MFHAS1: variants seen among roughly 807,000 people sequenced by gnomAD.
MFHAS1 encodes the protein multifunctional ROCO family signaling regulator 1.
Under a neutral mutation model 70.4 loss-of-function variants are expected in MFHAS1, and 50 were observed. The observed-to-expected ratio is 0.71, with a 90% CI of 0.57 to 0.90. MFHAS1 has a LOEUF of 0.90. MFHAS1 is among the 40% of genes least tolerant of loss of function. The pLI is 0.00. For synonymous variants in MFHAS1, 952 were observed against 620.0 expected (o/e 1.54, Z -7.96); for missense variants, 1,795 against 1,347.6 (o/e 1.33, Z -5.20).
intron 1 of MFHAS1, among the ~76,000 whole-genome samples, chr8:8,810,879 G>A (rs928417468): frequency 1.3e-5 from 2 of 152,120 alleles, no homozygotes; most frequent in African/African-American, 4.8e-5. Context: ...AGGAAGGGGA[G>A]GAAGGAGAAG....
At chr8:8,794,730 C>CTT (rs149620016) in intron 2 of MFHAS1, among the ~76,000 whole-genome samples, 2 of 151,322 alleles carry the variant, frequency 1.3e-5, no homozygotes, top group African/African-American at 4.9e-5. Flanking sequence ...TTTCATGAGA[C>CTT]TTTTTTTTTA....
chr8:8,806,274 T>C (rs540342756), intron 1 of MFHAS1, among the ~76,000 whole-genome samples: 4 of 152,248 alleles, frequency 2.6e-5, no homozygotes, highest in South Asian at 2.1e-4. Flanking sequence ...ATTACAACAC[T>C]GGGATGAGAG....
At chr8:8,867,468 TTTA>T (rs931804378) in intron 1 of MFHAS1, among the ~76,000 whole-genome samples, 1 of 152,124 alleles carries the variant, frequency 6.6e-6, no homozygotes, top group African/African-American at 2.4e-5. Context: ...TTTCTACTCT[TTTA>T]TTATTAATCC....
chr8:8,832,522 C>G lies in MFHAS1; in HGVS notation c.2999-35031G>C, dbSNP rs141624325. 2.2e-3 allele frequency among the ~76,000 whole-genome samples: 338 copies of G among 151,794 alleles called. 1 individual carries two copies. The highest frequency in any genetic ancestry group is 4.0e-3 in the Non-Finnish European group (269 of 67,984). Reference sequence around the variant, plus strand: ...CATCATTAGCTATCAGAAACACAAACAGAAACCTTACGAAGATACACAACA... The same window carrying G: ...CATCATTAGCTATCAGAAACACAAAGAGAAACCTTACGAAGATACACAACA... On this transcript the variant is annotated intron_variant, in intron 1 of 2. Coordinates refer to ENST00000276282, the MANE Select transcript of MFHAS1 (RefSeq NM_004225.3).
chr8:8,786,391 C>T (rs1805543138), intron 2 of MFHAS1, among the ~76,000 whole-genome samples: 1 of 152,178 alleles, frequency 6.6e-6, no homozygotes, highest in Admixed American at 6.5e-5. Flanking sequence ...ACTCTAAACA[C>T]GGAACTGTTT....
In MFHAS1 at chr8:8,890,890, C is replaced by T. The variant is rs750611962; in HGVS notation, c.2169G>A (p.Lys723=). 24 of 1,613,984 alleles carry T rather than the reference C, an allele frequency of 1.5e-5. No individual in the cohort carries two copies. The highest frequency in any genetic ancestry group is 1.1e-4 in the African/African-American group (8 of 74,948). Reference sequence around the variant, plus strand: ...GGGTGAGGTTGTGGAAGACGTGCTCCTTGAGAGCCGGACTGTCCTCAAAGT... The same window carrying T: ...GGGTGAGGTTGTGGAAGACGTGCTCTTTGAGAGCCGGACTGTCCTCAAAGT... ...LLYFEDSPAL[K]EHVFHNLTRL... Residue 723 remains lysine, a synonymous_variant, in exon 1 of 3, where the codon AAG becomes AAA. Coordinates refer to ENST00000276282, the MANE Select transcript of MFHAS1 (RefSeq NM_004225.3).
chr8:8,891,687 T>A lies in MFHAS1; in HGVS notation c.1372A>T (p.Ile458Phe). 1 of 1,613,554 alleles carries A rather than the reference T, an allele frequency of 6.2e-7. No individual in the cohort carries two copies. Among genetic ancestry groups the A allele is most frequent in the Non-Finnish European group, 8.5e-7 (1 of 1,180,012 alleles). ...TCGGCCGTCCAGCTGGTCACCTCGATGCCCTTGCTCACAGGGGGAGGTGAC... is the reference window on the plus strand; with the variant it reads ...TCGGCCGTCCAGCTGGTCACCTCGAAGCCCTTGCTCACAGGGGGAGGTGAC... Reference protein sequence around the residue: ...PPSPPPVSKGIEVTSWTADAS... With the variant: ...PPSPPPVSKGFEVTSWTADAS... Residue 458 changes from isoleucine (I) to phenylalanine (F), a missense_variant, in exon 1 of 3, where the codon ATC becomes TTC. Coordinates refer to ENST00000276282, the MANE Select transcript of MFHAS1 (RefSeq NM_004225.3). This position sits in a 1 kb window ranked among gnomAD's most constrained non-coding sequence, Gnocchi z 5.4.
chr8:8,832,054 GCGCGCGCGCACACACACA>G (rs1248322868), intron 1 of MFHAS1, among the ~76,000 whole-genome samples: 1 of 112,604 alleles, frequency 8.9e-6, no homozygotes, highest in African/African-American at 3.7e-5. Flanking sequence ...ATGCACGCGC[GCGCGCGCGCACACACACA>G]CACACACACA....
At chr8:8,855,604 C>G (rs1033826484) in intron 1 of MFHAS1, among the ~76,000 whole-genome samples, 2 of 152,218 alleles carry the variant, frequency 1.3e-5, no homozygotes, top group Non-Finnish European at 2.9e-5. Flanking sequence ...ACCTGTAATC[C>G]TGGCGCTTTG....
Position 8,892,599 on chromosome 8 carries a change from G to T in MFHAS1, c.460C>A (p.Leu154Met). 6.2e-7 allele frequency: 1 copy of T among 1,608,620 alleles called. No homozygotes were observed. Among genetic ancestry groups the T allele is most frequent in the East Asian group, 2.2e-5 (1 of 44,586 alleles). ...TCCTCCAGGTGAGCGAGAGCGCCCA[G>T]CTGGGCGGGCAGGGCGGGCAGCTGG... ...HNQLPALPAQ[L>M]GALAHLEELD... is the part of the protein sequence containing the mutation. Residue 154 changes from leucine to methionine, a missense_variant, in exon 1 of 3, where the codon CTG becomes ATG. Physicochemically the swap from Leu to Met is conservative, Grantham distance 15 (BLOSUM62 2). Transcript: ENST00000276282. The surrounding 1 kb of genome is among the most constrained non-coding windows in gnomAD (Gnocchi z 4.7).
At chr8:8,841,974 G>A (rs901503724) in intron 1 of MFHAS1, among the ~76,000 whole-genome samples, 1 of 152,162 alleles carries the variant, frequency 6.6e-6, no homozygotes, top group Non-Finnish European at 1.5e-5. Context: ...TCTCAGCAAG[G>A]CATGCAGTTA....
At chr8:8,884,033 A>G (rs1045086585) in intron 1 of MFHAS1, among the ~76,000 whole-genome samples, 3 of 137,516 alleles carry the variant, frequency 2.2e-5, no homozygotes, top group Non-Finnish European at 4.6e-5. Flanking sequence ...CCCTATCTCT[A>G]TTTCACAAAC....
At chr8:8,835,388 T>C (rs1414176026) in intron 1 of MFHAS1, among the ~76,000 whole-genome samples, 3 of 152,182 alleles carry the variant, frequency 2.0e-5, no homozygotes, top group Non-Finnish European at 4.4e-5. Context: ...AGCATCTTTC[T>C]AGATGGTGGG....
chr8:8,830,566 A>G (rs1041641144), intron 1 of MFHAS1, among the ~76,000 whole-genome samples: 1 of 152,184 alleles, frequency 6.6e-6, no homozygotes, highest in African/African-American at 2.4e-5. Context: ...ACATGTACCC[A>G]AGGTCACCAA....
intron 1 of MFHAS1, among the ~76,000 whole-genome samples, chr8:8,852,246 G>A (rs1964719): frequency 2.6e-5 from 4 of 151,968 alleles, no homozygotes; most frequent in Admixed American, 2.6e-4. Flanking sequence ...AGCCGAGGCG[G>A]GCAGATCACT....
At chr8:8,877,587 A>C (rs10046783) in intron 1 of MFHAS1, among the ~76,000 whole-genome samples, 134,430 of 152,086 alleles carry the variant, frequency 0.88, 60,482 homozygotes, top group Non-Finnish European at 0.97. Context: ...AACCAATGCT[A>C]CTCTTCTCCC....
chr8:8,793,650 T>C (rs1805793031), intron 2 of MFHAS1, among the ~76,000 whole-genome samples: 1 of 152,234 alleles, frequency 6.6e-6, no homozygotes. Flanking sequence ...GGAGGGACTG[T>C]GCTGAGGCTG....
At chr8:8,817,812 T>C (rs1249665392) in intron 1 of MFHAS1, among the ~76,000 whole-genome samples, 1 of 152,134 alleles carries the variant, frequency 6.6e-6, no homozygotes, top group Non-Finnish European at 1.5e-5. Context: ...ACAATAGAGT[T>C]CAAGCTCCTA....
chr8:8,840,461 CAAAAAAA>C (rs141909980), intron 1 of MFHAS1, among the ~76,000 whole-genome samples: 15,740 of 82,150 alleles, frequency 0.19, 848 homozygotes, highest in Middle Eastern at 0.25. Context: ...CATCTCAATA[CAAAAAAA>C]AAAAAAAAAA....
Sources: allele counts gnomAD v4.1 joint callset (sites outside exome capture counted in the v4.1 genomes callset), GRCh38; gene constraint gnomAD v4.1.1; non-coding constraint Gnocchi (gnomAD v3.1); transcripts MANE v1.5; gene names NCBI Gene and HGNC (gene_info 2026-07-23, HGNC 2026-07-21).